The following ZFHX3 variants were observed in gnomAD, a reference collection of about 807,000 sequenced individuals.
ZFHX3 encodes zinc finger homeobox protein 3.
ZFHX3 carries 42 observed loss-of-function variants against 279.1 expected under a neutral mutation model. The observed-to-expected ratio is 0.15, with a 90% CI of 0.12 to 0.19. The LOEUF is 0.19. ZFHX3 is among the 10% of genes least tolerant of loss of function. The probability of loss-of-function intolerance (pLI) is 1.00; values close to 1 mark genes in which losing one functional copy is unlikely to be tolerated. For missense variants in ZFHX3, 4,981 were observed against 4,754.0 expected, an observed-to-expected ratio of 1.05 and a Z score of -1.40; for synonymous variants, 2,293 against 1,957.8, an observed-to-expected ratio of 1.17 and a Z score of -4.52.
chr16:73,742,724 G>A (rs994381782), intron 1 of ZFHX3, among the ~76,000 whole-genome samples: 14 of 152,236 alleles, frequency 9.2e-5, no homozygotes, highest in Admixed American at 5.9e-4. Flanking sequence ...CCATTATTTG[G>A]GAAGAATCAG....
At chr16:73,148,982 A>G (rs1367819442) in intron 5 of ZFHX3, among the ~76,000 whole-genome samples, 1 of 150,716 alleles carries the variant, frequency 6.6e-6, no homozygotes, top group African/African-American at 2.4e-5. Context: ...TTTGCTTCAC[A>G]ATTTGTTGTA....
At chr16:73,119,877 AG>A (rs2144807153) in intron 7 of ZFHX3, among the ~76,000 whole-genome samples, 1 of 152,170 alleles carries the variant, frequency 6.6e-6, no homozygotes, top group Non-Finnish European at 1.5e-5. Context: ...TTGTTAGGAC[AG>A]GGGCTTGCTA....
intron 4 of ZFHX3, among the ~76,000 whole-genome samples, chr16:73,277,998 C>T (rs2014347469): frequency 6.6e-6 from 1 of 152,110 alleles, no homozygotes; most frequent in Admixed American, 6.5e-5. Flanking sequence ...AATATCTGCC[C>T]TCATGATCCA....
chr16:73,417,144 T>G (rs2017605506), intron 3 of ZFHX3, among the ~76,000 whole-genome samples: 1 of 151,936 alleles, frequency 6.6e-6, no homozygotes, highest in African/African-American at 2.4e-5. Context: ...ATGAGAACCT[T>G]CCTATACATT....
rs116047923 is a variant in ZFHX3, at chr16:73,476,266, G to C, written c.-1546-20008C>G. The stretch of plus-strand genomic sequence containing the variant: ...ATATTTTAACGTAAAGTTTTTTTGA[G>C]CACTCTATTCTTTCGAGATTTTGAT... On this transcript the variant is annotated intron_variant, in intron 2 of 17. Coordinates refer to the ZFHX3 transcript ENST00000641206. Among the ~76,000 whole-genome samples, 252 of 152,046 alleles carry C rather than the reference G, an allele frequency of 1.7e-3. 2 individuals are homozygous for C. Among genetic ancestry groups the C allele is most frequent in the African/African-American group, 5.7e-3 (237 of 41,478 alleles).
chr16:73,529,807 A>C (rs185701038), intron 2 of ZFHX3, among the ~76,000 whole-genome samples: 2 of 152,266 alleles, frequency 1.3e-5, no homozygotes, highest in African/African-American at 4.8e-5. Context: ...CAACTGATGC[A>C]CCTGTTTCTC....
intron 1 of ZFHX3, among the ~76,000 whole-genome samples, chr16:73,746,512 A>C (rs899390593): frequency 2.6e-5 from 4 of 152,222 alleles, no homozygotes; most frequent in Admixed American, 2.6e-4. Flanking sequence ...CAGGGCCAAC[A>C]ATTAGAAAAG....
At chr16:73,163,867 A>T (rs1967299434) in intron 5 of ZFHX3, among the ~76,000 whole-genome samples, 1 of 152,264 alleles carries the variant, frequency 6.6e-6, no homozygotes, top group South Asian at 2.1e-4. Flanking sequence ...AGATTATTTA[A>T]CTGAAGCTGT....
intron 1 of ZFHX3, among the ~76,000 whole-genome samples, chr16:73,878,343 AAC>A (rs1457477909): frequency 2.0e-5 from 3 of 152,160 alleles, no homozygotes; most frequent in Non-Finnish European, 4.4e-5. Flanking sequence ...AGAGTTTGAA[AAC>A]AGTTAATAAA....
intron 4 of ZFHX3, among the ~76,000 whole-genome samples, chr16:73,273,344 G>C (rs1050615171): frequency 6.6e-6 from 1 of 152,088 alleles, no homozygotes; most frequent in African/African-American, 2.4e-5. Context: ...AACTCCTGTT[G>C]GATATGAAAA....
chr16:73,380,810 G>C (rs910348582), intron 3 of ZFHX3, among the ~76,000 whole-genome samples: 3 of 152,130 alleles, frequency 2.0e-5, no homozygotes, highest in South Asian at 2.1e-4. Context: ...TTTGAGACCA[G>C]CCTGGGAAAC....
rs1394544146 is a variant in ZFHX3, at chr16:73,395,716, T to TTATGTGCC, written c.-1291+60279_-1291+60286dup. The stretch of plus-strand genomic sequence containing the variant: ...CCAATTGTTTTTCTTTCATAAGTGA[T>TTATGTGCC]TATGTGCCTAATACTTTAAAAAGGC... On this transcript the variant is annotated intron_variant, in intron 3 of 17. Coordinates refer to the ZFHX3 transcript ENST00000641206. Among the ~76,000 whole-genome samples, 3 of 150,548 alleles carry TTATGTGCC rather than the reference T, an allele frequency of 2.0e-5. No individual in the cohort carries two copies. In the East Asian group the frequency reaches 5.8e-4, roughly 29 times the overall value.
intron 2 of ZFHX3, among the ~76,000 whole-genome samples, chr16:73,472,035 G>A (rs1048241773): frequency 1.4e-4 from 21 of 152,048 alleles, no homozygotes; most frequent in African/African-American, 5.1e-4. Flanking sequence ...CATTTCTGAG[G>A]CTGGTTCACT....
chr16:73,499,020 T>G (rs1191683720), intron 2 of ZFHX3, among the ~76,000 whole-genome samples: 1 of 152,144 alleles, frequency 6.6e-6, no homozygotes, highest in Non-Finnish European at 1.5e-5. Context: ...TTATGAGACC[T>G]GAAGTGGGGT....
chr16:73,277,301 C>A (rs1291978250), intron 4 of ZFHX3, among the ~76,000 whole-genome samples: 1 of 152,128 alleles, frequency 6.6e-6, no homozygotes, highest in African/African-American at 2.4e-5. Flanking sequence ...CTGAAAGTCA[C>A]CCCGGGTTTA....
rs529749858 is a variant in ZFHX3, at chr16:73,738,905, C to G, written c.-1607-58665G>C. Among the ~76,000 whole-genome samples the G allele has an allele frequency of 1.2e-4, 18 of 152,302 alleles. No homozygotes were observed. In the South Asian group the frequency reaches 3.7e-3, roughly 32 times the overall value. ...GGGAGAAATCAGGGTATTTCTCCCC[C>G]TTCCTCTGATGTACTTCCAGAAGCT... is the stretch of plus-strand genomic sequence containing the variant. On this transcript the variant is annotated intron_variant, in intron 1 of 17. Transcript: ENST00000641206.
intron 2 of ZFHX3, among the ~76,000 whole-genome samples, chr16:73,572,352 C>T (rs953356435): frequency 3.9e-5 from 6 of 152,096 alleles, no homozygotes; most frequent in East Asian, 1.9e-4. Flanking sequence ...GTTCTGTCCC[C>T]GGCCTGGCCA....
intron 3 of ZFHX3, among the ~76,000 whole-genome samples, chr16:73,405,418 A>G (rs1316437152): frequency 6.6e-6 from 1 of 152,176 alleles, no homozygotes; most frequent in Non-Finnish European, 1.5e-5. Flanking sequence ...ACCCAGATCT[A>G]ATGAGGGGAT....
chr16:73,400,463 A>G (rs1362364685), intron 3 of ZFHX3: 3 of 152,192 alleles, frequency 2.0e-5, no homozygotes, highest in African/African-American at 7.2e-5. Flanking sequence ...TGTGGCAAAC[A>G]AAGAGTCCAC....
Sources: allele counts gnomAD v4.1 joint callset (sites outside exome capture counted in the v4.1 genomes callset), GRCh38; gene constraint gnomAD v4.1.1; transcripts MANE v1.5; gene names NCBI Gene and HGNC (gene_info 2026-07-23, HGNC 2026-07-21).